RAPGEF5: variants seen among roughly 807,000 people sequenced by gnomAD.
The protein encoded by RAPGEF5 is M-Ras-regulated GEF.
RAPGEF5 carries 65 observed loss-of-function variants against 125.2 expected under a neutral mutation model. That is an observed-to-expected ratio of 0.52 (90% CI 0.43 to 0.64). The LOEUF (loss-of-function observed/expected upper bound fraction) is 0.64, where lower values mean the gene tolerates loss of function less well. Among genes scored for constraint, RAPGEF5 ranks in the 30% least tolerant of loss-of-function variants. The pLI is 0.00. For missense variants in RAPGEF5, 958 were observed against 1,048.1 expected, an observed-to-expected ratio of 0.91 and a Z score of 1.19; for synonymous variants, 391 against 385.9, an observed-to-expected ratio of 1.01 and a Z score of -0.16.
chr7:22,296,191 A>AC (rs937390664), intron 5 of RAPGEF5, among the ~76,000 whole-genome samples: 1 of 152,216 alleles, frequency 6.6e-6, no homozygotes, highest in Non-Finnish European at 1.5e-5. Flanking sequence ...ACTGACCTCT[A>AC]CTGTGTTTAG....
At chr7:22,322,388 C>G (rs924549680) in intron 1 of RAPGEF5, among the ~76,000 whole-genome samples, 1 of 151,924 alleles carries the variant, frequency 6.6e-6, no homozygotes, top group African/African-American at 2.4e-5. Flanking sequence ...CTCAAGCAAT[C>G]CGCTCGCCTC....
intron 6 of RAPGEF5, among the ~76,000 whole-genome samples, chr7:22,272,372 A>G (rs1037574065): frequency 3.7e-5 from 4 of 109,530 alleles, no homozygotes; most frequent in Admixed American, 1.7e-4. Context: ...AAGAAGGAAA[A>G]AAAAGAAAAA....
chr7:22,340,577 C>T (rs1010977028), intron 1 of RAPGEF5, among the ~76,000 whole-genome samples: 1 of 152,216 alleles, frequency 6.6e-6, no homozygotes, highest in African/African-American at 2.4e-5. Context: ...ACCATCCTTG[C>T]CCCAGGGTCT....
intron 6 of RAPGEF5, among the ~76,000 whole-genome samples, chr7:22,273,008 C>T (rs1054511854): frequency 6.6e-6 from 1 of 152,132 alleles, no homozygotes; most frequent in Non-Finnish European, 1.5e-5. Context: ...GATCTGCCCA[C>T]CTCAGCCTCC....
intron 19 of RAPGEF5, among the ~76,000 whole-genome samples, chr7:22,145,967 C>CGTGTGTGTGTGT (rs71864981): frequency 7.0e-6 from 1 of 143,884 alleles, no homozygotes; most frequent in East Asian, 2.1e-4. Context: ...TGTTTGTGTG[C>CGTGTGTGTGTGT]GTGTGTGTGT....
At chr7:22,319,678 A>G (rs1310076330) in intron 1 of RAPGEF5, among the ~76,000 whole-genome samples, 1 of 152,240 alleles carries the variant, frequency 6.6e-6, no homozygotes, top group Admixed American at 6.5e-5. Context: ...AGATTATATG[A>G]AGATGAATCA....
At chr7:22,315,318 G>A (rs1157998194) in intron 3 of RAPGEF5, 52 bp downstream of exon 3, 2 of 1,515,244 alleles carry the variant, frequency 1.3e-6, no homozygotes, top group African/African-American at 2.8e-5. Context: ...ACACAGGGTG[G>A]TTTTTTTTCC....
intron 7 of RAPGEF5, among the ~76,000 whole-genome samples, chr7:22,247,998 G>A (rs187755014): frequency 8.3e-4 from 127 of 152,272 alleles, no homozygotes; most frequent in Middle Eastern, 3.4e-3. Flanking sequence ...GAGGGCAAGG[G>A]CCGAAAAACT....
chr7:22,170,785 AT>A (rs1784325388), intron 11 of RAPGEF5, among the ~76,000 whole-genome samples: 1 of 152,244 alleles, frequency 6.6e-6, no homozygotes, highest in Non-Finnish European at 1.5e-5. Flanking sequence ...CCAATATCAT[AT>A]TTAAAATTCA....
chr7:22,186,960 A>G (rs1784843249), intron 11 of RAPGEF5, among the ~76,000 whole-genome samples: 1 of 152,240 alleles, frequency 6.6e-6, no homozygotes, highest in African/African-American at 2.4e-5. Context: ...TAATTTCTCA[A>G]AGGAACTTAA....
chr7:22,163,603 A>G (rs886159724), intron 12 of RAPGEF5, among the ~76,000 whole-genome samples: 9 of 152,224 alleles, frequency 5.9e-5, no homozygotes, highest in Admixed American at 5.2e-4. Context: ...ATACACGATG[A>G]CCATATGTAA....
At chr7:22,168,330 G>A (rs1273374585) in intron 11 of RAPGEF5, among the ~76,000 whole-genome samples, 1 of 152,168 alleles carries the variant, frequency 6.6e-6, no homozygotes, top group Non-Finnish European at 1.5e-5. Flanking sequence ...GGAGACTGTG[G>A]CCTATGAACC....
At chr7:22,147,241 C>G (rs1181032084) in intron 18 of RAPGEF5, among the ~76,000 whole-genome samples, 1 of 152,152 alleles carries the variant, frequency 6.6e-6, no homozygotes, top group Non-Finnish European at 1.5e-5. Context: ...TGAGTTCGCC[C>G]GCTCCTCCCC....
At chr7:22,230,659 A>G (rs1786033545) in intron 8 of RAPGEF5, among the ~76,000 whole-genome samples, 187 bp downstream of exon 8, 1 of 152,234 alleles carries the variant, frequency 6.6e-6, no homozygotes. Flanking sequence ...AATTATAAAT[A>G]TAATTACCAA....
intron 1 of RAPGEF5, among the ~76,000 whole-genome samples, chr7:22,335,328 T>TC (rs1177222413): frequency 6.6e-6 from 1 of 152,196 alleles, no homozygotes; most frequent in Non-Finnish European, 1.5e-5. Flanking sequence ...AAGCCACAGT[T>TC]CCCTGGACTT....
intron 9 of RAPGEF5, among the ~76,000 whole-genome samples, chr7:22,215,437 T>C (rs116624710): frequency 1.1e-3 from 164 of 152,330 alleles, no homozygotes; most frequent in African/African-American, 3.7e-3. Context: ...AACTCCTATG[T>C]GTCTCTCTTG....
intron 6 of RAPGEF5, among the ~76,000 whole-genome samples, chr7:22,289,087 T>C (rs1315701556): frequency 6.6e-6 from 1 of 152,204 alleles, no homozygotes; most frequent in Non-Finnish European, 1.5e-5. Context: ...GTGGTTCAAG[T>C]CCAGTGTCTG....
chr7:22,326,118 A>C (rs1269781105), intron 1 of RAPGEF5, among the ~76,000 whole-genome samples: 5 of 152,028 alleles, frequency 3.3e-5, no homozygotes, highest in Admixed American at 3.3e-4. Flanking sequence ...ATTTGTACAT[A>C]GATTTTTGAA....
At chr7:22,321,918 C>T (rs1783721435) in intron 1 of RAPGEF5, among the ~76,000 whole-genome samples, 1 of 152,190 alleles carries the variant, frequency 6.6e-6, no homozygotes, top group Non-Finnish European at 1.5e-5. Context: ...CCCAAATAAA[C>T]TTACATCTCA....
Sources: gnomAD v4.1 joint callset for allele counts (sites outside exome capture counted in the v4.1 genomes callset) on GRCh38, gnomAD v4.1.1 for gene constraint, MANE v1.5 for transcripts, NCBI Gene and HGNC (gene_info 2026-07-23, HGNC 2026-07-21) for gene names.